SULT2A1: variants seen among roughly 807,000 people sequenced by gnomAD.
SULT2A1 encodes the protein sulfotransferase family 2A member 1, also known as sulfotransferase 2A1.
SULT2A1 carries 43 observed loss-of-function variants against 33.9 expected under a neutral mutation model. The ratio of observed to expected loss-of-function variants is 1.27; its 90% confidence interval spans 1.00 to 1.64. The LOEUF is 1.64. Ranked by LOEUF, SULT2A1 falls within the 40% of genes most tolerant of loss-of-function variation. The probability of loss-of-function intolerance (pLI) is 0.00; values close to 1 mark genes in which losing one functional copy is unlikely to be tolerated. For synonymous variants in SULT2A1, 125 were observed against 113.6 expected, an observed-to-expected ratio of 1.10 and a Z score of -0.64; for missense variants, 300 against 335.1, an observed-to-expected ratio of 0.90 and a Z score of 0.82.
intron 2 of SULT2A1, among the ~76,000 whole-genome samples, 190 bp downstream of exon 2, chr19:47,883,387 G>A (rs1429884289): frequency 1.3e-5 from 2 of 152,048 alleles, no homozygotes; most frequent in Non-Finnish European, 2.9e-5. Context: ...CTGTGGAATG[G>A]TCTATATCCT....
chr19:47,882,202 A>C lies in SULT2A1; in HGVS notation c.354T>G (p.Tyr118Ter). The change falls in exon 3 of 6, where the codon TAT becomes TAG. Residue 118 changes from tyrosine to a stop codon, truncating the protein, a stop_gained. Coordinates refer to ENST00000222002, the MANE Select transcript of SULT2A1 (RefSeq NM_003167.4). LOFTEE classifies it high-confidence loss of function. ...AAACATCTCTGGGATTTCTCATGAG[A>C]TAAATCACCTTAAATGGAAAAACGG... ...SFFSSKAKVIYLMRNPRDVLV... is the reference protein window; with the variant it reads ...SFFSSKAKVI The C allele has an allele frequency of 6.2e-7, 1 of 1,612,652 alleles. No individual in the cohort carries two copies. The highest frequency in any genetic ancestry group is 8.5e-7 in the Non-Finnish European group (1 of 1,179,372).
At chr19:47,871,888 G>A (rs34884527) in intron 5 of SULT2A1, among the ~76,000 whole-genome samples, 1 of 151,940 alleles carries the variant, frequency 6.6e-6, no homozygotes, top group South Asian at 2.1e-4. Flanking sequence ...TGGATTATTA[G>A]AGTACACTTG....
At position 47,874,747 on chromosome 19, in the gene SULT2A1, A is replaced by T; in HGVS notation, c.655T>A (p.Ser219Thr). The change falls in exon 5 of 6, where the codon TCC (serine) becomes ACC (threonine). Residue 219 changes from serine to threonine, a missense_variant. Ser to Thr is a moderately conservative substitution (Grantham distance 58, BLOSUM62 1). Transcript: ENST00000222002. ...EELNLILKNSSFQSMKENKMS... is the reference protein window; with the variant it reads ...EELNLILKNSTFQSMKENKMS... Reference sequence around the variant, plus strand: ...TTGTTTTCTTTCATGCTCTGAAAGGAGCTGTTCTTGAGAATTAAGTTCAGT... The same window carrying T: ...TTGTTTTCTTTCATGCTCTGAAAGGTGCTGTTCTTGAGAATTAAGTTCAGT... 5.0e-6 allele frequency: 8 copies of T among 1,614,068 alleles called. No individual in the cohort carries two copies. The highest frequency in any genetic ancestry group is 6.8e-6 in the Non-Finnish European group (8 of 1,179,978).
Position 47,871,275 on chromosome 19 carries a change from C to A in SULT2A1, c.*180G>T. The A allele has an allele frequency of 3.4e-6, 2 of 584,422 alleles. No homozygotes were observed. The highest frequency in any genetic ancestry group is 3.0e-5 in the Admixed American group (1 of 33,376). The allele number at this position is 584,422 out of a possible 1,614,324, so 36.2% of individuals were successfully genotyped here. Reference sequence around the variant, plus strand: ...ATAGTGCTGGGATTACAGGCATGAACCACCGTGCCTGGCCAACCCTGGTAA... The same window carrying A: ...ATAGTGCTGGGATTACAGGCATGAAACACCGTGCCTGGCCAACCCTGGTAA... On this transcript the variant is annotated 3_prime_UTR_variant, in exon 6 of 6. Coordinates refer to ENST00000222002, the MANE Select transcript of SULT2A1 (RefSeq NM_003167.4).
At chr19:47,879,205 C>G in intron 3 of SULT2A1, 75 bp from the exon 4 acceptor site, 1 of 870,028 alleles carries the variant, frequency 1.1e-6, no homozygotes, top group Non-Finnish European at 1.9e-6. Context: ...ATGTTCATCC[C>G]CCCACCGGCT....
At chr19:47,874,368 G>A (rs1297907269) in intron 5 of SULT2A1, among the ~76,000 whole-genome samples, 1 of 152,062 alleles carries the variant, frequency 6.6e-6, no homozygotes, top group Non-Finnish European at 1.5e-5. Context: ...GTGAAACCAT[G>A]TCTTTACTAA....
At chr19:47,877,227 C>T (rs1355964488) in intron 4 of SULT2A1, among the ~76,000 whole-genome samples, 1 of 144,634 alleles carries the variant, frequency 6.9e-6, no homozygotes, top group African/African-American at 2.5e-5. Flanking sequence ...TGAGATATCA[C>T]TAATAGGTCA....
chr19:47,871,828 C>T (rs566738762), intron 5 of SULT2A1, among the ~76,000 whole-genome samples: 10 of 152,284 alleles, frequency 6.6e-5, no homozygotes, highest in African/African-American at 9.6e-5. Context: ...AGTCACGTCT[C>T]ACCACCTCTG....
Position 47,886,193 on chromosome 19 carries a change from G to T in SULT2A1, c.65C>A (p.Thr22Asn), listed in dbSNP as rs1030604616. ...AFPTMGFRSE[T>N]LRKVRDEFVI... ...GAACTCATCACGTACTTTTCTTAAG[G>T]TTTCGGATCTGAAACCCATAGTAGG... is the stretch of plus-strand genomic sequence containing the variant. The change falls in exon 1 of 6, where the codon ACC (threonine) becomes AAC (asparagine). Residue 22 changes from threonine (T) to asparagine (N), a missense_variant. By Grantham distance (65) the Thr-to-Asn change is moderately conservative. Transcript: ENST00000222002. The T allele has an allele frequency of 1.9e-6, 3 of 1,614,014 alleles. No homozygotes were observed. Among genetic ancestry groups the T allele is most frequent in the African/African-American group, 1.3e-5 (1 of 74,984 alleles).
chr19:47,884,041 G>C (rs1287920716), intron 1 of SULT2A1, among the ~76,000 whole-genome samples: 1 of 150,302 alleles, frequency 6.7e-6, no homozygotes, highest in Non-Finnish European at 1.5e-5. Context: ...GGAGGCGGAG[G>C]TTGCGGTGAG....
Position 47,871,250 on chromosome 19 carries a change from A to AT in SULT2A1, c.*204dup. 3.8e-6 allele frequency: 2 copies of AT among 531,440 alleles called. No homozygotes were observed. The highest frequency in any genetic ancestry group is 3.3e-6 in the Non-Finnish European group (1 of 300,818). 32.9% of individuals were successfully genotyped at this position (531,440 alleles called of 1,614,324 possible). A position where few individuals can be genotyped will look rare whatever the true frequency, so the allele number is the denominator to read the frequency against. ...CGTGATCCGCCCGTCTCGGCCTCCC[A>AT]TAGTGCTGGGATTACAGGCATGAAC... On this transcript the variant is annotated 3_prime_UTR_variant, in exon 6 of 6. Transcript: ENST00000222002.
At chr19:47,883,890 G>T (rs1192161804) in intron 1 of SULT2A1, 105 bp from the exon 2 acceptor site, 4 of 1,009,008 alleles carry the variant, frequency 4.0e-6, no homozygotes, top group Non-Finnish European at 5.8e-6. Context: ...AAGTGATCAT[G>T]AGGTCAGGGG....
At chr19:47,876,355 A>C (rs1249785243) in intron 4 of SULT2A1, among the ~76,000 whole-genome samples, 1 of 152,144 alleles carries the variant, frequency 6.6e-6, no homozygotes, top group Admixed American at 6.6e-5. Flanking sequence ...CTTTGCTTTG[A>C]ATCATAGGCC....
rs1443036677 is a variant in SULT2A1 at position 47,883,588 on chromosome 19, A to T, written c.334T>A (p.Ser112Thr). 5.0e-6 allele frequency: 8 copies of T among 1,613,994 alleles called. No homozygotes were observed. Among genetic ancestry groups the T allele is most frequent in the Non-Finnish European group, 6.8e-6 (8 of 1,180,030 alleles). Reference protein sequence around the residue: ...IQLFPKSFFSSKAKVIYLMRN... With the variant: ...IQLFPKSFFSTKAKVIYLMRN... ...CATTATGCACTGACCTTGGCCTTGG[A>T]ACTGAAGAAAGACTTGGGGAATAAC... is the stretch of plus-strand genomic sequence containing the variant. Residue 112 changes from serine (S) to threonine (T), a missense_variant, in exon 2 of 6, where the codon TCC becomes ACC. Transcript: ENST00000222002.
chr19:47,873,545 A>G (rs1409017391), intron 5 of SULT2A1, among the ~76,000 whole-genome samples: 2 of 151,380 alleles, frequency 1.3e-5, no homozygotes, highest in Admixed American at 1.3e-4. Context: ...GTGTGATAGC[A>G]AAGTCTCTCT....
chr19:47,872,912 C>T (rs759478341), intron 5 of SULT2A1, among the ~76,000 whole-genome samples: 14 of 151,940 alleles, frequency 9.2e-5, no homozygotes, highest in Admixed American at 2.0e-4. Flanking sequence ...CAGGTGGGCG[C>T]CACCACACAT....
chr19:47,874,621 T>G, intron 5 of SULT2A1, 36 bp downstream of exon 5: 1 of 1,592,348 alleles, frequency 6.3e-7, no homozygotes, highest in South Asian at 1.1e-5. Flanking sequence ...TGCCGTGTAT[T>G]CTGGTATATT....
rs776825006 is a variant in SULT2A1 at position 47,882,077 on chromosome 19, C to A, written c.472+7G>T. 4.3e-6 allele frequency: 7 copies of A among 1,613,170 alleles called. No homozygotes were observed. Among genetic ancestry groups the A allele is most frequent in the Non-Finnish European group, 5.1e-6 (6 of 1,179,774 alleles). On this transcript the variant is annotated splice_region_variant and intron_variant, in intron 3 of 5. Coordinates refer to ENST00000222002, the MANE Select transcript of SULT2A1 (RefSeq NM_003167.4). ...CCAAGCACCCCCATATTTTGTGAAA[C>A]ACTCACCAGTTCCTTGACAAAACCA...
chr19:47,881,875 A>C (rs866335235), intron 3 of SULT2A1, among the ~76,000 whole-genome samples: 4 of 152,146 alleles, frequency 2.6e-5, no homozygotes, highest in Middle Eastern at 3.4e-3. Context: ...CTTAGAAAAT[A>C]GCTAGGATGG....
Sources: allele counts gnomAD v4.1 joint callset (sites outside exome capture counted in the v4.1 genomes callset), GRCh38; gene constraint gnomAD v4.1.1; transcripts MANE v1.5; gene names NCBI Gene and HGNC (gene_info 2026-07-23, HGNC 2026-07-21).